Variants in COL20A1 observed in about 807,000 individuals in gnomAD.
The protein encoded by COL20A1 is collagen type XX alpha 1 chain.
COL20A1 carries 164 observed loss-of-function variants against 152.9 expected under a neutral mutation model. That is an observed-to-expected ratio of 1.07 (90% CI 0.94 to 1.22). The LOEUF (loss-of-function observed/expected upper bound fraction) is 1.22, where lower values mean the gene tolerates loss of function less well. Ranked by LOEUF, COL20A1 falls within the 50% of genes most tolerant of loss-of-function variation. The probability of loss-of-function intolerance (pLI) is 0.00; values close to 1 mark genes in which losing one functional copy is unlikely to be tolerated. For missense variants in COL20A1, 1,873 were observed against 1,744.8 expected, an observed-to-expected ratio of 1.07 and a Z score of -1.31; for synonymous variants, 864 against 756.0, an observed-to-expected ratio of 1.14 and a Z score of -2.34.
chr20:63,300,173 C>T (rs573275835), intron 3 of COL20A1, among the ~76,000 whole-genome samples: 1 of 152,282 alleles, frequency 6.6e-6, no homozygotes, highest in East Asian at 1.9e-4. Flanking sequence ...CCAATAACTA[C>T]CCTTTCTTAT....
In COL20A1 at chr20:63,305,672, A is replaced by T. The variant is rs577032699; in HGVS notation, c.337+112A>T. The T allele has an allele frequency of 1.6e-6, 2 of 1,279,876 alleles. No individual in the cohort carries two copies. The highest frequency in any genetic ancestry group is 2.1e-6 in the Non-Finnish European group (2 of 938,172). The allele number at this position is 1,279,876 out of a possible 1,614,324, so 79.3% of individuals were successfully genotyped here. ...CTGCGTTCCAGCCCCAGGGGTGGGT[A>T]TGTGTGAAGCAGTTCTGGGCTGTGC... On this transcript the variant is annotated intron_variant, in intron 4 of 35. Coordinates refer to ENST00000358894, the MANE Select transcript of COL20A1 (RefSeq NM_020882.4). This position sits in a 1 kb window ranked among gnomAD's most constrained non-coding sequence, Gnocchi z 4.9.
rs1278895800 is a variant in COL20A1, at chr20:63,308,701, C to T, written c.935C>T (p.Ala312Val). 6 of 1,601,062 alleles carry T rather than the reference C, an allele frequency of 3.7e-6. No homozygotes were observed. The highest frequency in any genetic ancestry group is 5.1e-6 in the Non-Finnish European group (6 of 1,174,010). Residue 312 changes from alanine (A) to valine (V), a missense_variant, in exon 8 of 36, where the codon GCT (alanine) becomes GTT (valine). Coordinates refer to ENST00000358894, the MANE Select transcript of COL20A1 (RefSeq NM_020882.4). ...VLKDLGVNVF[A>V]VGVKNADEAE... ...AAGGACCTGGGCGTGAACGTCTTCG[C>T]TGTGGGTGAGCACCATGCGGCTCCC...
At chr20:63,301,636 G>GTTGA (rs1319019113) in intron 3 of COL20A1, among the ~76,000 whole-genome samples, 1 of 152,098 alleles carries the variant, frequency 6.6e-6, no homozygotes, top group East Asian at 1.9e-4. Context: ...TTCCTGGTAG[G>GTTGA]TTGACCCTTT....
intron 30 of COL20A1, 88 bp from the exon 31 acceptor site, chr20:63,326,664 G>A: frequency 1.1e-6 from 1 of 902,474 alleles, no homozygotes; most frequent in Non-Finnish European, 1.6e-6. Context: ...CAGGTCAGGG[G>A]GCCCCTGGGA....
At chr20:63,316,422 G>C in intron 20 of COL20A1, 131 bp from the exon 21 acceptor site, 2 of 139,586 alleles carry the variant, frequency 1.4e-5, no homozygotes, top group Non-Finnish European at 2.6e-5. Context: ...CACCCACGCC[G>C]CTCCGTCACC....
chr20:63,307,421 T>G (rs938918398), intron 5 of COL20A1, 69 bp from the exon 6 acceptor site: 54 of 1,432,754 alleles, frequency 3.8e-5, no homozygotes, highest in East Asian at 2.4e-4. Context: ...AGCCCCGGGG[T>G]AGGTGATCTG....
At chr20:63,293,531 G>A (rs1601394532) in intron 1 of COL20A1, among the ~76,000 whole-genome samples, 1 of 152,144 alleles carries the variant, frequency 6.6e-6, no homozygotes, top group Non-Finnish European at 1.5e-5. Context: ...CAGGGCTGTG[G>A]GGGAACGAGG....
At chr20:63,304,072 TG>T (rs2067891795) in intron 3 of COL20A1, among the ~76,000 whole-genome samples, 1 of 139,090 alleles carries the variant, frequency 7.2e-6, no homozygotes, top group Non-Finnish European at 1.5e-5. Context: ...AGTGTGCAGG[TG>T]TGGGCTCCTC....
chr20:63,319,271 G>A lies in COL20A1; in HGVS notation c.2806+71G>A. 1 of 1,491,508 alleles carries A rather than the reference G, an allele frequency of 6.7e-7. No individual in the cohort carries two copies. The highest frequency in any genetic ancestry group is 9.1e-7 in the Non-Finnish European group (1 of 1,100,810). The allele number at this position is 1,491,508 out of a possible 1,614,324, so 92.4% of individuals were successfully genotyped here. A position where few individuals can be genotyped will look rare whatever the true frequency, so the allele number is the denominator to read the frequency against. ...GCAGGGAGGCCCCAGAGCCCTGGGA[G>A]GCCTTCAGAGGAAGTCCAGCCTCCA... On this transcript the variant is annotated intron_variant, in intron 22 of 35. Transcript: ENST00000358894. The surrounding 1 kb of genome is among the most constrained non-coding windows in gnomAD (Gnocchi z 4.4).
chr20:63,326,133 G>T lies in COL20A1; in HGVS notation c.3440G>T (p.Gly1147Val), dbSNP rs757416632. ...CTGGAGGGAACTGCTGGCCTGCCTG[G>T]ACCCCCTGGCCCCAGGGTAGGCACC... ...RGLEGTAGLP[G>V]PPGPRGFQGM... The change falls in exon 30 of 36, where the codon GGA (glycine) becomes GTA (valine). Residue 1147 changes from glycine (G) to valine (V), a missense_variant. Physicochemically the swap from Gly to Val is moderately radical, Grantham distance 109 (BLOSUM62 -3). Transcript: ENST00000358894. 3 of 1,612,378 alleles carry T rather than the reference G, an allele frequency of 1.9e-6. No individual in the cohort carries two copies. In the African/African-American group the frequency reaches 4.0e-5, roughly 22 times the overall value.
At position 63,305,960 on chromosome 20, in the gene COL20A1, C is replaced by T; in HGVS notation, c.417C>T (p.Ser139=). Residue 139 remains serine (S), a synonymous_variant, in exon 5 of 36, where the codon TCC becomes TCT. Transcript: ENST00000358894. The surrounding 1 kb of genome is among the most constrained non-coding windows in gnomAD (Gnocchi z 4.9). ...LGSGAPEPTP[S]HTGSPDPEQA... ...CTGGAGCCCCGGAGCCCACCCCCTC[C>T]CACACGGGGAGCCCAGACCCTGAGC... 1 of 1,612,776 alleles carries T rather than the reference C, an allele frequency of 6.2e-7. No homozygotes were observed. Among genetic ancestry groups the T allele is most frequent in the Non-Finnish European group, 8.5e-7 (1 of 1,179,784 alleles).
chr20:63,295,614 C>G (rs567267090), intron 2 of COL20A1, among the ~76,000 whole-genome samples: 385 of 152,314 alleles, frequency 2.5e-3, no homozygotes, highest in Non-Finnish European at 4.4e-3. Context: ...AGCACCACCC[C>G]CTCCGTGCGC....
At chr20:63,325,786 T>A in intron 29 of COL20A1, 65 bp downstream of exon 29, 3 of 1,448,230 alleles carry the variant, frequency 2.1e-6, no homozygotes, top group Non-Finnish European at 2.9e-6. Context: ...ACGGGGGGCC[T>A]TGGAGATGGA....
rs868414606 is a variant in COL20A1 at position 63,316,422 on chromosome 20, G to T, written c.2525-131G>T. ...CCTGTGCTGACTTCCCACCCACGCC[G>T]CTCCGTCACCCCTCCCTCCCACCGC... On this transcript the variant is annotated intron_variant, in intron 20 of 35. Coordinates refer to ENST00000358894, the MANE Select transcript of COL20A1 (RefSeq NM_020882.4). 1.9e-4 allele frequency: 26 copies of T among 139,560 alleles called. No individual in the cohort carries two copies. In the South Asian group the frequency reaches 2.2e-3, roughly 12 times the overall value. The allele number at this position is 139,560 out of a possible 1,614,324, so 8.6% of individuals were successfully genotyped here.
intron 3 of COL20A1, among the ~76,000 whole-genome samples, chr20:63,303,784 T>C (rs2067886249): frequency 6.6e-6 from 1 of 152,122 alleles, no homozygotes; most frequent in Non-Finnish European, 1.5e-5. Flanking sequence ...GGTGTGCAGG[T>C]GTGGGTTCCT....
At chr20:63,312,249 C>T (rs896547713) in intron 14 of COL20A1, among the ~76,000 whole-genome samples, 171 bp from the exon 15 acceptor site, 6 of 152,118 alleles carry the variant, frequency 3.9e-5, no homozygotes, top group African/African-American at 1.4e-4. Flanking sequence ...AGGCCCACCC[C>T]AGCCGTCCTG....
Position 63,331,575 on chromosome 20 carries a change from C to T in COL20A1, c.*859C>T, listed in dbSNP as rs907359440. 1.3e-5 allele frequency: 2 copies of T among 152,320 alleles called. No individual in the cohort carries two copies. The highest frequency in any genetic ancestry group is 4.8e-5 in the African/African-American group (2 of 41,458). The allele number at this position is 152,320 out of a possible 1,614,324, so 9.4% of individuals were successfully genotyped here. On this transcript the variant is annotated 3_prime_UTR_variant, in exon 36 of 36. Coordinates refer to ENST00000358894, the MANE Select transcript of COL20A1 (RefSeq NM_020882.4). ...CGCTGTGTGAGCCTGGACTTCCTGC[C>T]TTATCCCCACTGTGGCCCAAACAGC...
chr20:63,296,619 C>A (rs1449339093), intron 2 of COL20A1, among the ~76,000 whole-genome samples: 1 of 152,216 alleles, frequency 6.6e-6, no homozygotes, highest in Non-Finnish European at 1.5e-5. Context: ...ACAGTGCTGT[C>A]CTCCAGCAGG....
Position 63,312,863 on chromosome 20 carries a change from GCCGC to G in COL20A1, c.2006_2009del (p.Ala669GlufsTer38). ...GGATGCAGTCCAGCTGGCGTGGGTG[GCCGC>G]AGCCCCGTCTGGCGTGCTTGTCTAC... is the stretch of plus-strand genomic sequence containing the variant. On this transcript the variant is annotated frameshift_variant, in exon 16 of 36. Transcript: ENST00000358894. LOFTEE classifies it high-confidence loss of function. The G allele has an allele frequency of 1.3e-6, 2 of 1,557,132 alleles. No homozygotes were observed. The highest frequency in any genetic ancestry group is 1.7e-6 in the Non-Finnish European group (2 of 1,150,706).
Sources: allele counts gnomAD v4.1 joint callset (sites outside exome capture counted in the v4.1 genomes callset), GRCh38; gene constraint gnomAD v4.1.1; non-coding constraint Gnocchi (gnomAD v3.1); transcripts MANE v1.5; gene names NCBI Gene and HGNC (gene_info 2026-07-23, HGNC 2026-07-21).